GREB1L: variants seen among roughly 807,000 people sequenced by gnomAD.
GREB1L encodes GREB1-like protein.
Under a neutral mutation model 200.8 loss-of-function variants are expected in GREB1L, and 17 were observed. The ratio of observed to expected loss-of-function variants is 0.08; its 90% CI spans 0.06 to 0.13. GREB1L has a LOEUF of 0.13. GREB1L is among the 10% of genes least tolerant of loss of function. The pLI, the probability that GREB1L is intolerant of heterozygous loss-of-function variation, is 1.00. For synonymous variants in GREB1L, 789 were observed against 893.0 expected (o/e 0.88, Z 2.08); for missense variants, 1,657 against 2,367.7 (o/e 0.70, Z 6.23).
At chr18:21,460,781 A>G (rs1292510477) in intron 15 of GREB1L, among the ~76,000 whole-genome samples, 1 of 152,022 alleles carries the variant, frequency 6.6e-6, no homozygotes, top group Non-Finnish European at 1.5e-5. Context: ...AAAGAAAAAA[A>G]CAAACAAAAA....
chr18:21,472,087 C>T (rs1042840081), intron 15 of GREB1L, among the ~76,000 whole-genome samples: 2 of 152,228 alleles, frequency 1.3e-5, no homozygotes, highest in African/African-American at 4.8e-5. Flanking sequence ...TTACCTTTCT[C>T]TCCACCTTTT....
intron 7 of GREB1L, among the ~76,000 whole-genome samples, chr18:21,405,674 G>T (rs138664978): frequency 2.6e-5 from 4 of 152,214 alleles, no homozygotes; most frequent in South Asian, 4.2e-4. Flanking sequence ...GGTGGCATGC[G>T]CCTGTAATTC....
intron 5 of GREB1L, among the ~76,000 whole-genome samples, chr18:21,396,270 C>T (rs1260093966): frequency 6.6e-6 from 1 of 152,066 alleles, no homozygotes; most frequent in Non-Finnish European, 1.5e-5. Context: ...GTCTCAAACT[C>T]CTGACCTCAG....
At chr18:21,275,975 G>A (rs2038156516) in intron 1 of GREB1L, among the ~76,000 whole-genome samples, 1 of 152,162 alleles carries the variant, frequency 6.6e-6, no homozygotes, top group African/African-American at 2.4e-5. Context: ...TGGTGGTCTT[G>A]GAAGACAATG....
intron 23 of GREB1L, among the ~76,000 whole-genome samples, chr18:21,500,953 C>T (rs2036763581): frequency 6.6e-6 from 1 of 151,692 alleles, no homozygotes; most frequent in Non-Finnish European, 1.5e-5. Context: ...CCTGTAATTC[C>T]AGCTACTCAG....
At chr18:21,459,441 A>G (rs2034937142) in intron 15 of GREB1L, among the ~76,000 whole-genome samples, 1 of 151,194 alleles carries the variant, frequency 6.6e-6, no homozygotes, top group Admixed American at 6.6e-5. Context: ...GCCCACCACC[A>G]TGCCCAGCTA....
At position 21,449,607 on chromosome 18, in the gene GREB1L, T is replaced by C. The variant is rs1359733330; in HGVS notation, c.1491T>C (p.Ala497=). ...GAGAAAGAGCCCTGCAGATAGGTGC[T>C]CAGTGTGTCCCTGTGTCACCAGGAC... ...TLRERALQIG[A]QCVPVSPGQL... is the part of the protein sequence containing the mutation. The change falls in exon 12 of 33, where the codon GCT becomes GCC. Residue 497 remains alanine, a synonymous_variant. Transcript: ENST00000424526. 6.4e-7 allele frequency: 1 copy of C among 1,551,334 alleles called. No individual in the cohort carries two copies. The highest frequency in any genetic ancestry group is 2.0e-5 in the Admixed American group (1 of 51,000).
chr18:21,458,828 T>C (rs2034900488), intron 15 of GREB1L, among the ~76,000 whole-genome samples: 1 of 152,192 alleles, frequency 6.6e-6, no homozygotes, highest in South Asian at 2.1e-4. Context: ...GAAATTATTT[T>C]ATTTTAGTGT....
chr18:21,508,718 A>G, intron 27 of GREB1L, 127 bp downstream of exon 27: 1 of 680,152 alleles, frequency 1.5e-6, no homozygotes, highest in Non-Finnish European at 2.4e-6. Context: ...CTCTTCGGAA[A>G]AAAAAAAAAA....
intron 11 of GREB1L, among the ~76,000 whole-genome samples, chr18:21,444,708 G>A (rs552449099): frequency 6.6e-6 from 1 of 152,182 alleles, no homozygotes; most frequent in Non-Finnish European, 1.5e-5. Context: ...AACCTTAAAG[G>A]GTTGTGCCTT....
intron 1 of GREB1L, among the ~76,000 whole-genome samples, chr18:21,350,394 C>T (rs1205760304): frequency 1.3e-5 from 2 of 151,832 alleles, no homozygotes; most frequent in Non-Finnish European, 2.9e-5. Flanking sequence ...CACATCAACA[C>T]ACCCGGCTAA....
At chr18:21,515,719 G>C in intron 29 of GREB1L, 75 bp downstream of exon 29, 1 of 1,038,878 alleles carries the variant, frequency 9.6e-7, no homozygotes, top group Non-Finnish European at 1.4e-6. Flanking sequence ...CCTCTGTAAT[G>C]CTTTTATTCG....
chr18:21,312,254 C>A (rs2038803319), intron 1 of GREB1L, among the ~76,000 whole-genome samples: 1 of 152,084 alleles, frequency 6.6e-6, no homozygotes, highest in African/African-American at 2.4e-5. Flanking sequence ...GAGTCCATGT[C>A]TTTGCTATTG....
chr18:21,497,557 T>A (rs2036593670), intron 21 of GREB1L, among the ~76,000 whole-genome samples: 1 of 150,702 alleles, frequency 6.6e-6, no homozygotes, highest in Admixed American at 6.6e-5. Context: ...GGCAGGAGAA[T>A]CACTTGAACC....
chr18:21,279,723 C>T (rs1402861363), intron 1 of GREB1L, among the ~76,000 whole-genome samples: 1 of 152,112 alleles, frequency 6.6e-6, no homozygotes, highest in East Asian at 1.9e-4. Flanking sequence ...GATCATCACG[C>T]ACCACACAAA....
In GREB1L at chr18:21,346,466, C is replaced by T. The variant is rs1021327361; in HGVS notation, c.-119-19561C>T. 2.2e-4 allele frequency among the ~76,000 whole-genome samples: 34 copies of T among 151,840 alleles called. 1 individual carries two copies. On this transcript the variant is annotated intron_variant, in intron 1 of 32. Transcript: ENST00000424526. ...CTAGTTGCAGCAATTGAGACCTGGG[C>T]TATATTTCCATCTTTCTTTCCTAAC... is the stretch of plus-strand genomic sequence containing the variant.
intron 2 of GREB1L, among the ~76,000 whole-genome samples, chr18:21,374,958 T>C (rs1455879499): frequency 1.3e-5 from 2 of 151,638 alleles, no homozygotes; most frequent in Admixed American, 1.3e-4. Context: ...CTCAAGCAGT[T>C]CTCCCACCTC....
chr18:21,243,059 A>G (rs1291548357), intron 1 of GREB1L, among the ~76,000 whole-genome samples: 1 of 151,980 alleles, frequency 6.6e-6, no homozygotes, highest in Non-Finnish European at 1.5e-5. Flanking sequence ...TTTTCTGTGC[A>G]TGGCTGAGGA....
chr18:21,243,653 A>G (rs2037545956), intron 1 of GREB1L, among the ~76,000 whole-genome samples: 1 of 152,140 alleles, frequency 6.6e-6, no homozygotes, highest in Non-Finnish European at 1.5e-5. Context: ...TAAATCCTGG[A>G]ACTCTGCTTT....
Sources: gnomAD v4.1 joint callset for allele counts (sites outside exome capture counted in the v4.1 genomes callset) on GRCh38, gnomAD v4.1.1 for gene constraint, MANE v1.5 for transcripts, NCBI Gene and HGNC (gene_info 2026-07-23, HGNC 2026-07-21) for gene names.